The following NLGN1 variants were observed in gnomAD, a reference collection of about 807,000 sequenced individuals.
The protein encoded by NLGN1 is neuroligin 1.
Under a neutral mutation model 65.5 loss-of-function variants are expected in NLGN1, and 12 were observed. The observed-to-expected ratio is 0.18, with a 90% CI of 0.12 to 0.30. The LOEUF (loss-of-function observed/expected upper bound fraction) is 0.30, where lower values mean the gene tolerates loss of function less well. Ranked by LOEUF, NLGN1 falls within the 10% of genes least tolerant of loss-of-function variation. The pLI is 1.00. For synonymous variants in NLGN1, 350 were observed against 359.5 expected, an observed-to-expected ratio of 0.97 and a Z score of 0.30; for missense variants, 750 against 1,007.1, an observed-to-expected ratio of 0.74 and a Z score of 3.46.
At chr3:173,515,896 A>T (rs775703871) in intron 2 of NLGN1, among the ~76,000 whole-genome samples, 1 of 151,966 alleles carries the variant, frequency 6.6e-6, no homozygotes, top group Non-Finnish European at 1.5e-5. Flanking sequence ...ATTCTGTTCC[A>T]TTCTTATATA....
intron 4 of NLGN1, among the ~76,000 whole-genome samples, chr3:173,925,091 A>AT (rs1335164843): frequency 6.6e-6 from 1 of 152,034 alleles, no homozygotes; most frequent in Non-Finnish European, 1.5e-5. Flanking sequence ...GATCAAACCT[A>AT]TTTTTTTCTT....
intron 2 of NLGN1, among the ~76,000 whole-genome samples, chr3:173,509,000 A>G (rs1367553212): frequency 6.6e-6 from 1 of 152,148 alleles, no homozygotes. Flanking sequence ...TGTTCTTTTG[A>G]TATTTTCATG....
intron 3 of NLGN1, among the ~76,000 whole-genome samples, chr3:173,795,259 C>T (rs1713789711): frequency 6.6e-6 from 1 of 152,070 alleles, no homozygotes; most frequent in Non-Finnish European, 1.5e-5. Context: ...CCAAAATTCA[C>T]TTCCAATATC....
chr3:174,032,386 GT>G (rs945931410), intron 4 of NLGN1, among the ~76,000 whole-genome samples: 5 of 152,252 alleles, frequency 3.3e-5, no homozygotes, highest in African/African-American at 4.8e-5. Context: ...CCAGGCATCA[GT>G]TTTTTCTAAG....
chr3:173,635,723 T>G (rs901384623), intron 3 of NLGN1, among the ~76,000 whole-genome samples: 1 of 152,190 alleles, frequency 6.6e-6, no homozygotes, highest in African/African-American at 2.4e-5. Flanking sequence ...CTGTTATTAA[T>G]TAGAGGCATA....
intron 3 of NLGN1, among the ~76,000 whole-genome samples, chr3:173,802,915 C>T (rs574852010): frequency 7.9e-5 from 12 of 151,722 alleles, no homozygotes; most frequent in Non-Finnish European, 1.6e-4. Flanking sequence ...TCTTGGCTCA[C>T]TGCAACCTCC....
chr3:173,873,744 C>T (rs1731615972), intron 4 of NLGN1, among the ~76,000 whole-genome samples: 1 of 152,154 alleles, frequency 6.6e-6, no homozygotes, highest in Admixed American at 6.5e-5. Context: ...GGTATTCCTT[C>T]AGCTGCACAG....
chr3:173,695,608 GT>G, intron 3 of NLGN1: 1 of 299,962 alleles, frequency 3.3e-6, no homozygotes, highest in Non-Finnish European at 6.6e-6. Context: ...TTTCTATTTT[GT>G]TTTTGTTTTT....
rs140900040 is a variant in NLGN1, at chr3:173,604,896, C to T, written c.298C>T (p.Pro100Ser). Residue 100 changes from proline to serine, a missense_variant, in exon 3 of 7, where the codon CCA (proline) becomes TCA (serine). Coordinates refer to ENST00000457714, the Ensembl canonical transcript of NLGN1. ...GGAACGTCGTTTTCAGCCTCCAGAA[C>T]CACCATCTCCCTGGTCAGATATCAG... 165 of 1,613,610 alleles carry T rather than the reference C, an allele frequency of 1.0e-4. No homozygotes were observed. The highest frequency in any genetic ancestry group is 1.4e-4 in the Non-Finnish European group (160 of 1,179,768).
At chr3:173,484,684 C>T (rs905091142) in intron 2 of NLGN1, among the ~76,000 whole-genome samples, 9 of 151,896 alleles carry the variant, frequency 5.9e-5, no homozygotes, top group Non-Finnish European at 1.5e-5. Flanking sequence ...CTACAAGCAT[C>T]AAGACTGGTA....
chr3:174,018,886 T>A (rs913415563), intron 4 of NLGN1, among the ~76,000 whole-genome samples: 3 of 152,082 alleles, frequency 2.0e-5, no homozygotes, highest in Admixed American at 6.6e-5. Flanking sequence ...CTATATTTTT[T>A]AAAAATAGAA....
chr3:173,406,274 A>G (rs1455586182), intron 1 of NLGN1, among the ~76,000 whole-genome samples: 3 of 151,926 alleles, frequency 2.0e-5, no homozygotes, highest in Non-Finnish European at 4.4e-5. Flanking sequence ...ATTTTCCACC[A>G]AGAACAAAGA....
At chr3:174,125,295 A>ACACTAGGT (rs1332763115) in intron 4 of NLGN1, among the ~76,000 whole-genome samples, 1 of 152,182 alleles carries the variant, frequency 6.6e-6, no homozygotes, top group African/African-American at 2.4e-5. Flanking sequence ...ATATTGGCTT[A>ACACTAGGT]CACTAGGTTG....
At chr3:174,055,877 T>A (rs997121403) in intron 4 of NLGN1, among the ~76,000 whole-genome samples, 2 of 152,062 alleles carry the variant, frequency 1.3e-5, no homozygotes, top group Non-Finnish European at 2.9e-5. Context: ...TAATGTCAGG[T>A]GTGCCTATCC....
intron 3 of NLGN1, among the ~76,000 whole-genome samples, chr3:173,710,824 G>A (rs1287750679): frequency 2.0e-5 from 3 of 152,130 alleles, no homozygotes; most frequent in Admixed American, 1.3e-4. Context: ...AGTACCATGC[G>A]AGAGTAAACT....
intron 4 of NLGN1, among the ~76,000 whole-genome samples, chr3:173,938,345 A>G (rs768863684): frequency 6.6e-6 from 1 of 152,116 alleles, no homozygotes; most frequent in Admixed American, 6.6e-5. Flanking sequence ...ATGACTCAGC[A>G]TGTTTATTTT....
chr3:174,160,103 T>TACAC (rs149811372), intron 4 of NLGN1, among the ~76,000 whole-genome samples: 1 of 150,730 alleles, frequency 6.6e-6, no homozygotes, highest in Non-Finnish European at 1.5e-5. Flanking sequence ...CACAAACACA[T>TACAC]ACACACACAC....
chr3:173,795,181 A>G (rs763947885), intron 3 of NLGN1, among the ~76,000 whole-genome samples: 1 of 152,128 alleles, frequency 6.6e-6, no homozygotes, highest in African/African-American at 2.4e-5. Flanking sequence ...ACTCATTGTC[A>G]TGAATGACAG....
At chr3:174,007,834 C>A (rs1220586906) in intron 4 of NLGN1, among the ~76,000 whole-genome samples, 1 of 152,140 alleles carries the variant, frequency 6.6e-6, no homozygotes, top group Non-Finnish European at 1.5e-5. Flanking sequence ...ATTTACCACA[C>A]ACATTGACTT....
Sources: allele counts gnomAD v4.1 joint callset (sites outside exome capture counted in the v4.1 genomes callset), GRCh38; gene constraint gnomAD v4.1.1; transcripts MANE v1.5; gene names NCBI Gene and HGNC (gene_info 2026-07-23, HGNC 2026-07-21).